NAALADL2: variants seen among roughly 807,000 people sequenced by gnomAD.
NAALADL2 encodes inactive N-acetylated-alpha-linked acidic dipeptidase-like protein 2.
A neutral mutation model predicts 87.2 loss-of-function variants in NAALADL2; 76 were observed. That is an observed-to-expected ratio of 0.87 (90% CI 0.72 to 1.05). The LOEUF is 1.05. Ranked by LOEUF, NAALADL2 falls within the 50% of genes least tolerant of loss-of-function variation. The pLI is 0.00. For synonymous variants in NAALADL2, 354 were observed against 331.0 expected (o/e 1.07, Z -0.75); for missense variants, 1,089 against 945.8 (o/e 1.15, Z -1.99).
At chr3:174,965,586 AT>A (rs1742751481) in intron 1 of NAALADL2, among the ~76,000 whole-genome samples, 2 of 152,176 alleles carry the variant, frequency 1.3e-5, no homozygotes, top group African/African-American at 4.8e-5. Context: ...TAGATATACA[AT>A]GAAATATTTT....
chr3:175,078,799 T>G (rs1179792016), intron 1 of NAALADL2, among the ~76,000 whole-genome samples: 1 of 152,234 alleles, frequency 6.6e-6, no homozygotes, highest in South Asian at 2.1e-4. Flanking sequence ...AATATTCCCA[T>G]GTATGGATGT....
chr3:174,582,926 T>C (rs12495893), intron 2 of NAALADL2, among the ~76,000 whole-genome samples: 23,736 of 152,204 alleles, frequency 0.16, 1,990 homozygotes, highest in Non-Finnish European at 0.18. Flanking sequence ...CATTTGTAGT[T>C]TTTTAAACTT....
At chr3:175,315,738 A>T (rs1206672388) in intron 4 of NAALADL2, among the ~76,000 whole-genome samples, 6 of 152,126 alleles carry the variant, frequency 3.9e-5, no homozygotes, top group Non-Finnish European at 8.8e-5. Flanking sequence ...TTATTTACTC[A>T]GAAGAATTTT....
chr3:175,464,410 A>G (rs978646534), intron 7 of NAALADL2, among the ~76,000 whole-genome samples: 8 of 147,348 alleles, frequency 5.4e-5, no homozygotes, highest in Non-Finnish European at 1.2e-4. Flanking sequence ...GGCAACAGAG[A>G]GAGACTCCAT....
At chr3:175,345,746 T>G (rs1763088125) in intron 5 of NAALADL2, among the ~76,000 whole-genome samples, 1 of 152,114 alleles carries the variant, frequency 6.6e-6, no homozygotes, top group Non-Finnish European at 1.5e-5. Context: ...TAGCATGGAA[T>G]GGAGCCCGCA....
intron 9 of NAALADL2, among the ~76,000 whole-genome samples, chr3:175,490,326 A>G (rs1276805219): frequency 6.6e-6 from 1 of 152,060 alleles, no homozygotes; most frequent in Non-Finnish European, 1.5e-5. Flanking sequence ...AATTCTCTTT[A>G]TTGTTTTAAT....
chr3:175,484,665 G>T (rs374878161), intron 9 of NAALADL2, among the ~76,000 whole-genome samples: 9 of 152,096 alleles, frequency 5.9e-5, no homozygotes, highest in Non-Finnish European at 1.3e-4. Flanking sequence ...TATATAAATT[G>T]ATTTAGTGTT....
At chr3:174,682,990 T>C (rs1727694479) in intron 2 of NAALADL2, among the ~76,000 whole-genome samples, 1 of 152,188 alleles carries the variant, frequency 6.6e-6, no homozygotes, top group Non-Finnish European at 1.5e-5. Context: ...AATACCTGTT[T>C]TGAGGAAACT....
At chr3:175,154,744 T>C (rs1732051128) in intron 2 of NAALADL2, among the ~76,000 whole-genome samples, 1 of 152,162 alleles carries the variant, frequency 6.6e-6, no homozygotes, top group African/African-American at 2.4e-5. Flanking sequence ...TGGATGTCTT[T>C]AGCACTTAAA....
intron 1 of NAALADL2, among the ~76,000 whole-genome samples, chr3:174,879,562 T>A (rs1384790807): frequency 6.6e-6 from 1 of 152,142 alleles, no homozygotes; most frequent in Non-Finnish European, 1.5e-5. Flanking sequence ...GATGTTTTGA[T>A]TTCAATGTAT....
At chr3:174,704,614 TA>T in intron 2 of NAALADL2, among the ~76,000 whole-genome samples, 1 of 151,016 alleles carries the variant, frequency 6.6e-6, no homozygotes, top group East Asian at 1.9e-4. Flanking sequence ...GAAGATAGAT[TA>T]AAAAAACTTC....
In NAALADL2 at chr3:175,561,041, C is replaced by G. The variant is rs572713728; in HGVS notation, c.1654-15000C>G. ...TGTATTCTCCCAACTACTGTCTTAT[C>G]TTGAAAGGTGGAAAACTGTCTAAGG... On this transcript the variant is annotated intron_variant, in intron 9 of 13. Coordinates refer to ENST00000454872, the MANE Select transcript of NAALADL2 (RefSeq NM_207015.3). Among the ~76,000 whole-genome samples, 97 of 152,268 alleles carry G rather than the reference C, an allele frequency of 6.4e-4. 1 individual carries two copies. In the South Asian group the frequency reaches 9.1e-3, roughly 14 times the overall value.
intron 3 of NAALADL2, among the ~76,000 whole-genome samples, chr3:174,835,480 G>A (rs1412973862): frequency 6.6e-6 from 1 of 151,950 alleles, no homozygotes; most frequent in Admixed American, 6.6e-5. Flanking sequence ...AAGAATACAA[G>A]CAATACAAGT....
In NAALADL2 at chr3:175,097,187, T is replaced by C. The variant is rs774222279; in HGVS notation, c.441T>C (p.His147=). ...IFGILIGYYV[H]TNCPSDAPSS... ...GGATTTTGATAGGTTATTATGTACA[T>C]ACAAATTGCCCTTCAGATGCTCCAT... Residue 147 remains histidine, a synonymous_variant, in exon 2 of 14, where the codon CAT becomes CAC. Transcript: ENST00000454872. 4.3e-6 allele frequency: 7 copies of C among 1,613,488 alleles called. No homozygotes were observed. The African/African-American group carries it at 5.3e-5, about 12-fold the overall frequency.
intron 11 of NAALADL2, among the ~76,000 whole-genome samples, chr3:175,730,427 T>G (rs1254569805): frequency 3.3e-5 from 3 of 91,124 alleles, no homozygotes; most frequent in South Asian, 2.9e-4. Flanking sequence ...TATATATATA[T>G]ATATATATAT....
chr3:175,717,608 T>A (rs1465326621), intron 11 of NAALADL2, among the ~76,000 whole-genome samples: 1 of 151,408 alleles, frequency 6.6e-6, no homozygotes, highest in Non-Finnish European at 1.5e-5. Context: ...GGAGCATCAC[T>A]TGAGCCCAGG....
chr3:174,508,306 G>C (rs1411037513), intron 1 of NAALADL2, among the ~76,000 whole-genome samples: 2 of 151,744 alleles, frequency 1.3e-5, no homozygotes, highest in African/African-American at 4.8e-5. Context: ...GTGGAGATGG[G>C]GTTTCACTGT....
In NAALADL2 at chr3:175,467,144, G is replaced by A. The variant is rs1208243145; in HGVS notation, c.1493G>A (p.Gly498Glu). Reference sequence around the variant, plus strand: ...ACTATTGTTTTCTGTTCTTGGGGAGGAACAGCTTTTGGCAATATTGGCTCA... The same window carrying A: ...ACTATTGTTTTCTGTTCTTGGGGAGAAACAGCTTTTGGCAATATTGGCTCA... ...DRTIVFCSWG[G>E]TAFGNIGSYE... The change falls in exon 8 of 14, where the codon GGA (glycine) becomes GAA (glutamate). Residue 498 changes from glycine (G) to glutamate (E), a missense_variant. By Grantham distance (98) the Gly-to-Glu change is moderately conservative. Coordinates refer to ENST00000454872, the MANE Select transcript of NAALADL2 (RefSeq NM_207015.3). 1.9e-6 allele frequency: 3 copies of A among 1,613,706 alleles called. No homozygotes were observed. Among genetic ancestry groups the A allele is most frequent in the Admixed American group, 3.3e-5 (2 of 59,978 alleles).
At chr3:174,880,794 A>G (rs141197605) in intron 1 of NAALADL2, among the ~76,000 whole-genome samples, 13 of 152,296 alleles carry the variant, frequency 8.5e-5, no homozygotes, top group African/African-American at 3.1e-4. Context: ...AAAACAATAG[A>G]TGCTTATTTT....
Sources: gnomAD v4.1 joint callset for allele counts (sites outside exome capture counted in the v4.1 genomes callset) on GRCh38, gnomAD v4.1.1 for gene constraint, MANE v1.5 for transcripts, NCBI Gene and HGNC (gene_info 2026-07-23, HGNC 2026-07-21) for gene names.